Variants in FAM117A observed in about 807,000 individuals in gnomAD.
The protein encoded by FAM117A is family with sequence similarity 117 member A, also known as protein FAM117A.
A neutral mutation model predicts 44.1 loss-of-function variants in FAM117A; 21 were observed. That is an observed-to-expected ratio of 0.48 (90% CI 0.34 to 0.69). The LOEUF (loss-of-function observed/expected upper bound fraction) is 0.69. FAM117A is among the 30% of genes least tolerant of loss of function. The pLI, the probability that FAM117A is intolerant of heterozygous loss-of-function variation, is 0.01. For synonymous variants in FAM117A, 220 were observed against 238.3 expected (o/e 0.92, Z 0.71); for missense variants, 498 against 589.9 (o/e 0.84, Z 1.61).
intron 1 of FAM117A, among the ~76,000 whole-genome samples, chr17:49,742,333 T>A (rs1441612268): frequency 1.3e-5 from 2 of 152,056 alleles, no homozygotes; most frequent in Non-Finnish European, 2.9e-5. Flanking sequence ...TCTGGAGATG[T>A]CATTGTGGGA....
chr17:49,759,811 A>C (rs1441254135), intron 1 of FAM117A, among the ~76,000 whole-genome samples: 1 of 152,230 alleles, frequency 6.6e-6, no homozygotes, highest in African/African-American at 2.4e-5. Flanking sequence ...ATCCTGGGGA[A>C]CCTAATCGAC....
chr17:49,713,022 C>A (rs140501335), intron 7 of FAM117A, among the ~76,000 whole-genome samples: 1 of 152,088 alleles, frequency 6.6e-6, no homozygotes, highest in Non-Finnish European at 1.5e-5. Context: ...ATTACAGATG[C>A]CTGCCACCAT....
chr17:49,733,336 C>A (rs185453192), intron 1 of FAM117A, among the ~76,000 whole-genome samples: 3 of 152,280 alleles, frequency 2.0e-5, no homozygotes, highest in Admixed American at 1.3e-4. Flanking sequence ...TGGTTCTCTC[C>A]TCTGTCTCTG....
chr17:49,777,751 G>C (rs1049369654), intron 1 of FAM117A, among the ~76,000 whole-genome samples: 1 of 152,182 alleles, frequency 6.6e-6, no homozygotes, highest in Non-Finnish European at 1.5e-5. Context: ...TGGCCTCCCT[G>C]CTGTGGGCTC....
At chr17:49,731,463 G>A (rs1567829271) in intron 2 of FAM117A, among the ~76,000 whole-genome samples, 2 of 152,200 alleles carry the variant, frequency 1.3e-5, no homozygotes, top group African/African-American at 4.8e-5. Context: ...AGATACGTTC[G>A]TGCTAGCTTA....
At chr17:49,720,144 G>T in intron 4 of FAM117A, 182 bp downstream of exon 4, 1 of 664,862 alleles carries the variant, frequency 1.5e-6, no homozygotes, top group Non-Finnish European at 2.5e-6. Flanking sequence ...AAGAGAGGGA[G>T]ATTCAGAACG....
chr17:49,748,229 G>T (rs1009975862), intron 1 of FAM117A, among the ~76,000 whole-genome samples: 2 of 152,130 alleles, frequency 1.3e-5, no homozygotes, highest in South Asian at 4.1e-4. Flanking sequence ...GCAAAAAATT[G>T]ATCCAGGGAA....
chr17:49,773,682 T>G (rs2073767915), intron 1 of FAM117A, among the ~76,000 whole-genome samples: 1 of 152,122 alleles, frequency 6.6e-6, no homozygotes, highest in African/African-American at 2.4e-5. Flanking sequence ...TCTACCCTTA[T>G]CAGCTACTAA....
At chr17:49,756,430 G>A (rs1039184328) in intron 1 of FAM117A, among the ~76,000 whole-genome samples, 3 of 152,026 alleles carry the variant, frequency 2.0e-5, no homozygotes, top group Admixed American at 2.0e-4. Flanking sequence ...AGCTCGGGGT[G>A]AACTAGGCTG....
rs566285428 is a variant in FAM117A, at chr17:49,740,528, C to T, written c.197-7808G>A. Among the ~76,000 whole-genome samples, 6 of 152,290 alleles carry T rather than the reference C, an allele frequency of 3.9e-5. No homozygotes were observed. The South Asian group carries it at 8.3e-4, about 21-fold the overall frequency. On this transcript the variant is annotated intron_variant, in intron 1 of 7. Coordinates refer to ENST00000240364, the MANE Select transcript of FAM117A (RefSeq NM_030802.4). Reference sequence around the variant, plus strand: ...CCTCCCAAAGTGCTGGGATTACAGGCGTGAGCCACTGCACCCAGCCTGGTA... The same window carrying T: ...CCTCCCAAAGTGCTGGGATTACAGGTGTGAGCCACTGCACCCAGCCTGGTA...
At chr17:49,719,092 T>A (rs1384672770) in intron 5 of FAM117A, among the ~76,000 whole-genome samples, 3 of 149,694 alleles carry the variant, frequency 2.0e-5, no homozygotes, top group Non-Finnish European at 3.0e-5. Flanking sequence ...TGAAACCCCA[T>A]CTCTATTAAA....
intron 1 of FAM117A, among the ~76,000 whole-genome samples, chr17:49,737,183 A>T (rs1244378064): frequency 6.6e-6 from 1 of 152,184 alleles, no homozygotes; most frequent in Non-Finnish European, 1.5e-5. Context: ...TAAGTTGGTG[A>T]CAGGCACACT....
At chr17:49,738,106 T>C (rs1201295863) in intron 1 of FAM117A, among the ~76,000 whole-genome samples, 3 of 152,230 alleles carry the variant, frequency 2.0e-5, no homozygotes, top group Non-Finnish European at 2.9e-5. Flanking sequence ...AAGGACTCTA[T>C]TATCTCCTAG....
Position 49,711,126 on chromosome 17 carries a change from A to G in FAM117A, c.*129T>C. ...AAAAGAGGACCCAGGGCTTTGACAC[A>G]GTAAGTGAAAGAAAGTGCTCGAAGG... On this transcript the variant is annotated 3_prime_UTR_variant, in exon 8 of 8. Transcript: ENST00000240364. 1.1e-6 allele frequency: 1 copy of G among 888,868 alleles called. No individual in the cohort carries two copies. The highest frequency in any genetic ancestry group is 1.7e-6 in the Non-Finnish European group (1 of 602,264). 55.1% of individuals were successfully genotyped at this position (888,868 alleles called of 1,614,324 possible). A position where few individuals can be genotyped will look rare whatever the true frequency, so the allele number is the denominator to read the frequency against.
intron 1 of FAM117A, among the ~76,000 whole-genome samples, chr17:49,738,862 A>G (rs574132964): frequency 9.2e-5 from 14 of 152,334 alleles, no homozygotes; most frequent in African/African-American, 3.1e-4. Context: ...CACAAACCTC[A>G]TCGCAAGTGG....
Position 49,711,428 on chromosome 17 carries a change from T to C in FAM117A, c.1189A>G (p.Ile397Val). ...MKPLFPGMGF[I>V]FRNCPSNPGS... is the part of the protein sequence containing the mutation. The stretch of plus-strand genomic sequence containing the variant: ...GGGTTTGAGGGGCAGTTACGGAAGA[T>C]GAAGCCCATGCCGGGGAAGAGGGGC... The change falls in exon 8 of 8, where the codon ATC becomes GTC. Residue 397 changes from isoleucine to valine, a missense_variant. Ile to Val is a conservative substitution (Grantham distance 29, BLOSUM62 3). Coordinates refer to ENST00000240364, the MANE Select transcript of FAM117A (RefSeq NM_030802.4). 1 of 1,613,710 alleles carries C rather than the reference T, an allele frequency of 6.2e-7. No homozygotes were observed. Among genetic ancestry groups the C allele is most frequent in the Non-Finnish European group, 8.5e-7 (1 of 1,179,926 alleles).
At chr17:49,756,916 CAAA>C (rs59004870) in intron 1 of FAM117A, among the ~76,000 whole-genome samples, 16 of 109,920 alleles carry the variant, frequency 1.5e-4, no homozygotes, top group Admixed American at 9.2e-5. Flanking sequence ...GACTCTGCCT[CAAA>C]AAAAAAAAAA....
intron 3 of FAM117A, among the ~76,000 whole-genome samples, chr17:49,721,774 C>T (rs1404286785): frequency 6.6e-6 from 1 of 152,130 alleles, no homozygotes; most frequent in Non-Finnish European, 1.5e-5. Flanking sequence ...GGGAGCATTT[C>T]GTTATTTTTC....
At chr17:49,741,193 C>G (rs1193636520) in intron 1 of FAM117A, among the ~76,000 whole-genome samples, 1 of 152,138 alleles carries the variant, frequency 6.6e-6, no homozygotes, top group African/African-American at 2.4e-5. Flanking sequence ...CTAGCTGGTT[C>G]AACAAACAAG....
Sources: allele counts gnomAD v4.1 joint callset (sites outside exome capture counted in the v4.1 genomes callset), GRCh38; gene constraint gnomAD v4.1.1; transcripts MANE v1.5; gene names NCBI Gene and HGNC (gene_info 2026-07-23, HGNC 2026-07-21).